The following NCK1 variants were observed in gnomAD, a reference collection of about 807,000 sequenced individuals.
NCK1 encodes SH2/SH3 adapter protein NCK1.
NCK1 carries 19 observed loss-of-function variants against 36.6 expected under a neutral mutation model. The observed-to-expected ratio is 0.52, with a 90% confidence interval of 0.36 to 0.76. The LOEUF is 0.76. Ranked by LOEUF, NCK1 falls within the 30% of genes least tolerant of loss-of-function variation. The pLI, the probability that NCK1 is intolerant of heterozygous loss-of-function variation, is 0.00. For synonymous variants in NCK1, 165 were observed against 156.0 expected (o/e 1.06, Z -0.43); for missense variants, 358 against 445.6 (o/e 0.80, Z 1.77).
rs1221650421 is a variant in NCK1, at chr3:136,950,802, T to C, written c.*2349T>C. On this transcript the variant is annotated 3_prime_UTR_variant, in exon 4 of 4. Transcript: ENST00000481752. ...TTTTCTTCCACATGAGGAGAATGCT[T>C]AGTTTCAAATTTAAATACATGTGTC... 6.6e-6 allele frequency among the ~76,000 whole-genome samples: 1 copy of C among 152,158 alleles called. No homozygotes were observed. The highest frequency in any genetic ancestry group is 1.9e-4 in the East Asian group (1 of 5,204).
intron 1 of NCK1, among the ~76,000 whole-genome samples, chr3:136,913,255 A>G (rs1252258497): frequency 6.6e-6 from 1 of 151,770 alleles, no homozygotes; most frequent in African/African-American, 2.4e-5. Flanking sequence ...TCCTTTCCTC[A>G]GGATTTGCTG....
intron 1 of NCK1, among the ~76,000 whole-genome samples, chr3:136,903,719 G>A (rs1560041922): frequency 6.6e-6 from 1 of 152,086 alleles, no homozygotes; most frequent in Non-Finnish European, 1.5e-5. Flanking sequence ...GCCACACCGC[G>A]CCTGGCCAAA....
At chr3:136,866,918 G>T (rs1938430370) in intron 1 of NCK1, among the ~76,000 whole-genome samples, 1 of 124,824 alleles carries the variant, frequency 8.0e-6, no homozygotes, top group Non-Finnish European at 1.7e-5. Context: ...CGTCCAGTTT[G>T]CCTAGTCTTT....
rs115192548 is a variant in NCK1, at chr3:136,869,675, C to G, written c.-19+7322C>G. Among the ~76,000 whole-genome samples, 1,138 of 152,214 alleles carry G rather than the reference C, an allele frequency of 7.5e-3. 19 individuals are homozygous for G. The highest frequency in any genetic ancestry group is 0.026 in the African/African-American group (1,083 of 41,546). On this transcript the variant is annotated intron_variant, in intron 1 of 3. Coordinates refer to ENST00000481752, the MANE Select transcript of NCK1 (RefSeq NM_001291999.2). ...CTGTAACAGAAACCATGTATGGTTG[C>G]TTTCGTATTTTTCTTATGTGTACGT...
At chr3:136,917,497 A>T (rs1939999986) in intron 1 of NCK1, among the ~76,000 whole-genome samples, 1 of 152,194 alleles carries the variant, frequency 6.6e-6, no homozygotes, top group Admixed American at 6.5e-5. Flanking sequence ...GCTTTTGAAA[A>T]ATTGGAGAAT....
chr3:136,942,225 T>C (rs1302802109), intron 2 of NCK1, among the ~76,000 whole-genome samples: 1 of 152,208 alleles, frequency 6.6e-6, no homozygotes, highest in Non-Finnish European at 1.5e-5. Flanking sequence ...TCTCCTTCAT[T>C]TTTGAAGGAC....
intron 1 of NCK1, among the ~76,000 whole-genome samples, chr3:136,905,245 C>T (rs562446608): frequency 9.9e-5 from 15 of 152,190 alleles, no homozygotes; most frequent in Non-Finnish European, 1.8e-4. Context: ...TTGTCTTGAA[C>T]TCCTGACCTC....
In NCK1 at chr3:136,920,111, A is replaced by G. The variant is rs561472051; in HGVS notation, c.-18-7873A>G. Among the ~76,000 whole-genome samples the G allele has an allele frequency of 5.3e-5, 8 of 152,316 alleles. No individual in the cohort carries two copies. The East Asian group carries it at 1.3e-3, about 26-fold the overall frequency. Reference sequence around the variant, plus strand: ...TATTCTCTTCAGCTTTTTAAACCCTAGTATCTCATCAAGTAATTTTAATTG... The same window carrying G: ...TATTCTCTTCAGCTTTTTAAACCCTGGTATCTCATCAAGTAATTTTAATTG... On this transcript the variant is annotated intron_variant, in intron 1 of 3. Coordinates refer to ENST00000481752, the MANE Select transcript of NCK1 (RefSeq NM_001291999.2).
chr3:136,939,635 TG>T (rs560342029), intron 2 of NCK1, among the ~76,000 whole-genome samples: 83 of 152,212 alleles, frequency 5.5e-4, no homozygotes, highest in African/African-American at 1.8e-3. Flanking sequence ...CATAGGTTTT[TG>T]TATGTTGTGT....
chr3:136,882,003 T>C (rs1271039839), intron 1 of NCK1, among the ~76,000 whole-genome samples: 1 of 152,252 alleles, frequency 6.6e-6, no homozygotes, highest in Non-Finnish European at 1.5e-5. Flanking sequence ...TAGAAATATC[T>C]GTTCAGGTTC....
intron 2 of NCK1, among the ~76,000 whole-genome samples, chr3:136,937,271 A>G (rs1440909396): frequency 6.6e-6 from 1 of 152,206 alleles, no homozygotes; most frequent in Non-Finnish European, 1.5e-5. Flanking sequence ...TCAATTGACC[A>G]TAGATCCATG....
intron 1 of NCK1, among the ~76,000 whole-genome samples, chr3:136,890,524 A>T (rs1939212971): frequency 6.6e-6 from 1 of 152,250 alleles, no homozygotes; most frequent in Admixed American, 6.5e-5. Context: ...GCCAAGAGCG[A>T]GCGAGGGCTT....
intron 1 of NCK1, among the ~76,000 whole-genome samples, chr3:136,911,300 C>G (rs1223011577): frequency 6.6e-6 from 1 of 152,126 alleles, no homozygotes; most frequent in Admixed American, 6.5e-5. Flanking sequence ...TATGGTAGCT[C>G]TAATTTAGTT....
intron 1 of NCK1, among the ~76,000 whole-genome samples, chr3:136,904,122 TTGAC>T (rs1221848165): frequency 6.6e-6 from 1 of 152,140 alleles, no homozygotes; most frequent in Non-Finnish European, 1.5e-5. Flanking sequence ...TATAGTATCC[TTGAC>T]TGACAGTTTT....
intron 1 of NCK1, among the ~76,000 whole-genome samples, chr3:136,895,095 G>A (rs867923028): frequency 6.6e-6 from 1 of 152,112 alleles, no homozygotes; most frequent in Non-Finnish European, 1.5e-5. Context: ...GGCTGGTCTC[G>A]AACTCCTGAC....
chr3:136,919,343 A>T (rs1271505689), intron 1 of NCK1, among the ~76,000 whole-genome samples: 1 of 152,156 alleles, frequency 6.6e-6, no homozygotes, highest in Admixed American at 6.5e-5. Flanking sequence ...ATCTTACTGT[A>T]TGTAAAATAA....
intron 1 of NCK1, chr3:136,888,972 T>G (rs1939151000): frequency 6.6e-6 from 1 of 151,690 alleles, no homozygotes; most frequent in Non-Finnish European, 1.5e-5. Flanking sequence ...CAGGCACAAG[T>G]GATCCTCCTG....
intron 1 of NCK1, among the ~76,000 whole-genome samples, chr3:136,893,684 T>C (rs1025994428): frequency 5.3e-5 from 8 of 152,220 alleles, no homozygotes; most frequent in African/African-American, 1.9e-4. Context: ...AGACTTTTGA[T>C]AGAATCTACA....
chr3:136,946,330 C>A, intron 3 of NCK1, 35 bp downstream of exon 3: 2 of 1,511,550 alleles, frequency 1.3e-6, no homozygotes, highest in Non-Finnish European at 1.8e-6. Context: ...ACAAATAGAG[C>A]TCTGGGTATT....
Sources: allele counts gnomAD v4.1 joint callset (sites outside exome capture counted in the v4.1 genomes callset), GRCh38; gene constraint gnomAD v4.1.1; transcripts MANE v1.5; gene names NCBI Gene and HGNC (gene_info 2026-07-23, HGNC 2026-07-21).